CKAP5: variants seen among roughly 807,000 people sequenced by gnomAD.
The protein encoded by CKAP5 is cytoskeleton-associated protein 5.
A neutral mutation model predicts 232.8 loss-of-function variants in CKAP5; 27 were observed. That is an observed-to-expected ratio of 0.12 (90% CI 0.09 to 0.16). The LOEUF (loss-of-function observed/expected upper bound fraction) is 0.16, where lower values mean the gene tolerates loss of function less well. Among genes scored for constraint, CKAP5 ranks in the 10% least tolerant of loss-of-function variants. The pLI is 1.00. For missense variants in CKAP5, 1,838 were observed against 2,424.7 expected, an observed-to-expected ratio of 0.76 and a Z score of 5.08; for synonymous variants, 785 against 841.1, an observed-to-expected ratio of 0.93 and a Z score of 1.16.
chr11:46,768,894 G>A (rs1418116471), intron 26 of CKAP5, among the ~76,000 whole-genome samples: 3 of 151,778 alleles, frequency 2.0e-5, no homozygotes, highest in Non-Finnish European at 4.4e-5. Context: ...ATTGGTCACA[G>A]GTTATATATT....
chr11:46,845,999 C>G (rs1351188729), intron 1 of CKAP5, among the ~76,000 whole-genome samples: 1 of 151,714 alleles, frequency 6.6e-6, no homozygotes, highest in Non-Finnish European at 1.5e-5. Context: ...TGGAGCCCAA[C>G]CCCGGCCTCC....
intron 13 of CKAP5, among the ~76,000 whole-genome samples, chr11:46,794,918 A>AT (rs1938833869): frequency 6.6e-6 from 1 of 152,200 alleles, no homozygotes; most frequent in African/African-American, 2.4e-5. Context: ...GAATGGGAGG[A>AT]TAGTTAATTG....
At chr11:46,808,401 C>T (rs1001300040) in intron 7 of CKAP5, among the ~76,000 whole-genome samples, 2 of 152,058 alleles carry the variant, frequency 1.3e-5, no homozygotes, top group African/African-American at 4.8e-5. Context: ...ATTAGCCGGG[C>T]GTGGTGGCAG....
At chr11:46,775,153 C>T (rs919166644) in intron 24 of CKAP5, among the ~76,000 whole-genome samples, 1 of 152,110 alleles carries the variant, frequency 6.6e-6, no homozygotes, top group Admixed American at 6.5e-5. Flanking sequence ...AAAAAACAAA[C>T]AACCCCATCA....
Sources: gnomAD v4.1 joint callset for allele counts (sites outside exome capture counted in the v4.1 genomes callset) on GRCh38, gnomAD v4.1.1 for gene constraint, MANE v1.5 for transcripts, NCBI Gene and HGNC (gene_info 2026-07-23, HGNC 2026-07-21) for gene names.